HTR4: variants seen among roughly 807,000 people sequenced by gnomAD.
HTR4 encodes 5-hydroxytryptamine (serotonin) receptor 4, G protein-coupled.
In HTR4, 16 loss-of-function variants were observed where a neutral mutation model predicts 36.8. The observed-to-expected ratio is 0.43, with a 90% CI of 0.29 to 0.66. The LOEUF (loss-of-function observed/expected upper bound fraction) is 0.66, where lower values mean the gene tolerates loss of function less well. Ranked by LOEUF, HTR4 falls within the 30% of genes least tolerant of loss-of-function variation. The probability of loss-of-function intolerance (pLI) is 0.13; values close to 1 mark genes in which losing one functional copy is unlikely to be tolerated. For missense variants in HTR4, 438 were observed against 490.9 expected, an observed-to-expected ratio of 0.89 and a Z score of 1.02; for synonymous variants, 189 against 185.1, an observed-to-expected ratio of 1.02 and a Z score of -0.17.
In HTR4 at chr5:148,509,816, C is replaced by T. The variant is rs1308873956; in HGVS notation, c.716G>A (p.Arg239Lys). 1 of 1,613,888 alleles carries T rather than the reference C, an allele frequency of 6.2e-7. No individual in the cohort carries two copies. Among genetic ancestry groups the T allele is most frequent in the Non-Finnish European group, 8.5e-7 (1 of 1,180,012 alleles). Reference sequence around the variant, plus strand: ...GCTATGCTGGTCTGCCGACTGAGGCCTGCTCTCGGAGGAGGCTCCTGCCCG... The same window carrying T: ...GCTATGCTGGTCTGCCGACTGAGGCTTGCTCTCGGAGGAGGCTCCTGCCCG... Reference protein sequence around the residue: ...LQRAGASSESRPQSADQHSTH... With the variant: ...LQRAGASSESKPQSADQHSTH... The change falls in exon 6 of 7, where the codon AGG (arginine) becomes AAG (lysine). Residue 239 changes from arginine (R) to lysine (K), a missense_variant. Transcript: ENST00000377888.
At chr5:148,548,320 A>G (rs1305384775) in intron 4 of HTR4, among the ~76,000 whole-genome samples, 1 of 152,180 alleles carries the variant, frequency 6.6e-6, no homozygotes, top group East Asian at 1.9e-4. Context: ...GGGAAGATGT[A>G]CTCATTCTTG....
At chr5:148,456,069 A>G (rs1755095255) in intron 5 of HTR4, among the ~76,000 whole-genome samples, 1 of 152,074 alleles carries the variant, frequency 6.6e-6, no homozygotes, top group Non-Finnish European at 1.5e-5. Flanking sequence ...TCCTCTCACC[A>G]TGGTATGGTG....
chr5:148,495,712 G>C (rs775512114), intron 6 of HTR4, among the ~76,000 whole-genome samples: 2 of 152,226 alleles, frequency 1.3e-5, no homozygotes, highest in African/African-American at 4.8e-5. Context: ...CAAGTGGGGA[G>C]AGAGGCTTAA....
chr5:148,469,546 T>C (rs1379203349), intron 5 of HTR4, among the ~76,000 whole-genome samples: 1 of 152,224 alleles, frequency 6.6e-6, no homozygotes, highest in Non-Finnish European at 1.5e-5. Context: ...CCTGGCACAT[T>C]CTGAAGCCAG....
chr5:148,511,252 T>C (rs1388085807), intron 5 of HTR4, among the ~76,000 whole-genome samples: 3 of 152,230 alleles, frequency 2.0e-5, no homozygotes, highest in Non-Finnish European at 4.4e-5. Flanking sequence ...ATAGTAAATA[T>C]GCCTGTGTAA....
chr5:148,614,614 G>A (rs1381937217), intron 2 of HTR4, among the ~76,000 whole-genome samples: 7 of 152,180 alleles, frequency 4.6e-5, no homozygotes, highest in Non-Finnish European at 1.0e-4. Flanking sequence ...TCAGGACATA[G>A]GCATGTGCAA....
In HTR4 at chr5:148,539,767, T is replaced by C. The variant is rs796301283; in HGVS notation, c.353+8901A>G. Among the ~76,000 whole-genome samples the C allele has an allele frequency of 2.6e-5, 4 of 152,156 alleles. No individual in the cohort carries two copies. In the South Asian group the frequency reaches 6.2e-4, roughly 24 times the overall value. ...GAAAAAAGGGAACATTTATACACTG[T>C]TGGAGGGAATGTAAATTAGTTCAAC... On this transcript the variant is annotated intron_variant, in intron 4 of 6. Coordinates refer to ENST00000377888, the MANE Select transcript of HTR4 (RefSeq NM_000870.7).
intron 4 of HTR4, among the ~76,000 whole-genome samples, chr5:148,527,212 G>A (rs754723621): frequency 1.3e-5 from 2 of 152,030 alleles, no homozygotes; most frequent in Non-Finnish European, 2.9e-5. Context: ...TATCTTGCAG[G>A]ACAAAAAGTA....
At chr5:148,619,102 GA>G (rs1356804082) in intron 2 of HTR4, among the ~76,000 whole-genome samples, 1 of 152,126 alleles carries the variant, frequency 6.6e-6, no homozygotes, top group Non-Finnish European at 1.5e-5. Context: ...AGAGAAAAAA[GA>G]AAAAGGACCT....
intron 2 of HTR4, among the ~76,000 whole-genome samples, chr5:148,557,123 A>C (rs1237632593): frequency 1.3e-5 from 2 of 152,110 alleles, no homozygotes; most frequent in African/African-American, 4.8e-5. Flanking sequence ...TTTATGTTCT[A>C]TTGGAAGATC....
rs554565341 is a variant in HTR4 at position 148,561,512 on chromosome 5, A to G, written c.27-11250T>C. Among the ~76,000 whole-genome samples the G allele has an allele frequency of 2.6e-5, 4 of 152,176 alleles. No homozygotes were observed. The South Asian group carries it at 8.3e-4, about 32-fold the overall frequency. ...AGGTGGTCTCTCTTTAAGAAAACCC[A>G]TTTTCCAAAAGTGGAACTGAGTCAA... On this transcript the variant is annotated intron_variant, in intron 2 of 6. Coordinates refer to ENST00000377888, the MANE Select transcript of HTR4 (RefSeq NM_000870.7).
chr5:148,490,741 C>T, intron 6 of HTR4: 1 of 1,270,526 alleles, frequency 7.9e-7, no homozygotes, highest in South Asian at 1.3e-5. Flanking sequence ...GCAATCCATT[C>T]CATTTTGTGC....
chr5:148,552,151 CA>C (rs1759727006), intron 2 of HTR4, among the ~76,000 whole-genome samples: 1 of 152,100 alleles, frequency 6.6e-6, no homozygotes, highest in Non-Finnish European at 1.5e-5. Flanking sequence ...GACAAGGGGC[CA>C]AAGGGAATGA....
intron 2 of HTR4, among the ~76,000 whole-genome samples, chr5:148,631,050 T>C (rs998855989): frequency 3.2e-4 from 49 of 152,272 alleles, no homozygotes; most frequent in African/African-American, 1.0e-3. Context: ...ACCAGAAAAT[T>C]TCACACATTG....
intron 2 of HTR4, among the ~76,000 whole-genome samples, chr5:148,600,572 C>T (rs1450736497): frequency 1.3e-5 from 2 of 151,510 alleles, no homozygotes; most frequent in African/African-American, 4.8e-5. Flanking sequence ...CAGTTTTATA[C>T]ACTAGTAAGA....
At chr5:148,479,217 G>A (rs1755799354), downstream of HTR4, among the ~76,000 whole-genome samples, 1 of 152,110 alleles carries the variant, frequency 6.6e-6, no homozygotes, top group Admixed American at 6.6e-5. Flanking sequence ...CAGACAGGCA[G>A]ACAGGTAGAA....
At chr5:148,616,116 G>T (rs902195144) in intron 2 of HTR4, among the ~76,000 whole-genome samples, 1 of 152,220 alleles carries the variant, frequency 6.6e-6, no homozygotes, top group Admixed American at 6.5e-5. Flanking sequence ...GCATCTGCAC[G>T]AAGGAGAAAT....
chr5:148,528,998 C>G (rs1758422517), intron 4 of HTR4, among the ~76,000 whole-genome samples: 3 of 150,926 alleles, frequency 2.0e-5, no homozygotes, highest in Admixed American at 1.3e-4. Context: ...TTGCACCAAC[C>G]TAACACTTTT....
At chr5:148,540,544 A>T (rs919500119) in intron 4 of HTR4, among the ~76,000 whole-genome samples, 1 of 150,668 alleles carries the variant, frequency 6.6e-6, no homozygotes, top group Non-Finnish European at 1.5e-5. Context: ...GGAGATAAGT[A>T]AAAGATGACT....
Sources: gnomAD v4.1 joint callset for allele counts (sites outside exome capture counted in the v4.1 genomes callset) on GRCh38, gnomAD v4.1.1 for gene constraint, MANE v1.5 for transcripts, NCBI Gene and HGNC (gene_info 2026-07-23, HGNC 2026-07-21) for gene names.